Variants in ZNF879 observed in about 807,000 individuals in gnomAD.
ZNF879 encodes zinc finger protein 879.
In ZNF879, 32 loss-of-function variants were observed where a neutral mutation model predicts 44.3. That is an observed-to-expected ratio of 0.72 (90% CI 0.54 to 0.97). The LOEUF (loss-of-function observed/expected upper bound fraction) is 0.97, where lower values mean the gene tolerates loss of function less well. Ranked by LOEUF, ZNF879 falls within the 50% of genes least tolerant of loss-of-function variation. The pLI, the probability that ZNF879 is intolerant of heterozygous loss-of-function variation, is 0.00. For missense variants in ZNF879, 621 were observed against 669.7 expected (o/e 0.93, Z 0.80); for synonymous variants, 234 against 233.2 (o/e 1.00, Z -0.03).
In ZNF879 at chr5:179,033,568, T is replaced by G. The variant is rs563409307; in HGVS notation, c.1620T>G (p.Tyr540Ter). 6.5e-7 allele frequency: 1 copy of G among 1,550,350 alleles called. No individual in the cohort carries two copies. The highest frequency in any genetic ancestry group is 1.2e-5 in the South Asian group (1 of 83,444). ...HMRIHTGEKP[Y>*]KCKECGKAFS... The stretch of plus-strand genomic sequence containing the variant: ...GAATTCATACAGGGGAAAAACCTTA[T>G]AAATGTAAAGAATGTGGGAAGGCTT... The change falls in exon 5 of 5, where the codon TAT (tyrosine) becomes TAG (stop). Residue 540 changes from tyrosine to a stop codon, truncating the protein, a stop_gained. Coordinates refer to ENST00000444149, the MANE Select transcript of ZNF879 (RefSeq NM_001136116.3). LOFTEE classifies it high-confidence loss of function.
intron 4 of ZNF879, among the ~76,000 whole-genome samples, chr5:179,031,888 G>T (rs563940580): frequency 6.6e-6 from 1 of 152,280 alleles, no homozygotes; most frequent in Non-Finnish European, 1.5e-5. Context: ...GAGTGCACTG[G>T]TAGCTGCCCT....
At chr5:179,025,846 G>A (rs1313593604) in intron 2 of ZNF879, among the ~76,000 whole-genome samples, 1 of 152,040 alleles carries the variant, frequency 6.6e-6, no homozygotes, top group Non-Finnish European at 1.5e-5. Context: ...GAACCCGGGA[G>A]GCAGGGGTTG....
rs75238173 is a variant in ZNF879, at chr5:179,031,468, A to G, written c.257-737A>G. Among the ~76,000 whole-genome samples the G allele has an allele frequency of 1.8e-4, 28 of 152,172 alleles. No homozygotes were observed. The East Asian group carries it at 5.0e-3, about 27-fold the overall frequency. On this transcript the variant is annotated intron_variant, in intron 4 of 4. Coordinates refer to ENST00000444149, the MANE Select transcript of ZNF879 (RefSeq NM_001136116.3). The stretch of plus-strand genomic sequence containing the variant: ...TTTATACCCTAATTTTTGTCTGGCC[A>G]GCGCTTGTTATTTAGATCTCATCTT...
chr5:179,031,019 A>G (rs1761402127), intron 4 of ZNF879, among the ~76,000 whole-genome samples: 1 of 152,198 alleles, frequency 6.6e-6, no homozygotes, highest in Non-Finnish European at 1.5e-5. Flanking sequence ...TACTTGCAGA[A>G]CATCCCAGAT....
chr5:179,030,713 C>CTTA (rs1761393832), intron 4 of ZNF879, among the ~76,000 whole-genome samples: 2 of 63,944 alleles, frequency 3.1e-5, no homozygotes, highest in African/African-American at 2.5e-4. Flanking sequence ...CTGTGTTTTT[C>CTTA]TTATGATGAT....
At chr5:179,031,264 CT>C (rs1384880911) in intron 4 of ZNF879, among the ~76,000 whole-genome samples, 2 of 152,210 alleles carry the variant, frequency 1.3e-5, no homozygotes, top group African/African-American at 4.8e-5. Flanking sequence ...CTTCCAATAT[CT>C]TCCTGTATCC....
intron 4 of ZNF879, among the ~76,000 whole-genome samples, chr5:179,029,767 C>T (rs1396122226): frequency 6.6e-6 from 1 of 152,144 alleles, no homozygotes; most frequent in Non-Finnish European, 1.5e-5. Flanking sequence ...GAGAGACAGA[C>T]ACAGTGAGAG....
At position 179,025,120 on chromosome 5, in the gene ZNF879, C is replaced by G. The variant is rs574670781; in HGVS notation, c.33+83C>G. ...CTTCATCTGTTGTTGAGCTTCTCTA[C>G]CCAGTGAAGCTCAGGGAAGGACCAG... On this transcript the variant is annotated intron_variant, in intron 2 of 4. Coordinates refer to ENST00000444149, the MANE Select transcript of ZNF879 (RefSeq NM_001136116.3). 1.5e-3 allele frequency: 2,198 copies of G among 1,448,488 alleles called. 4 individuals carry two copies. Among genetic ancestry groups the G allele is most frequent in the Non-Finnish European group, 1.9e-3 (2,045 of 1,053,892 alleles). 89.7% of individuals were successfully genotyped at this position (1,448,488 alleles called of 1,614,324 possible).
intron 1 of ZNF879, chr5:179,024,713 GCA>G: frequency 2.3e-6 from 1 of 440,772 alleles, no homozygotes; most frequent in South Asian, 3.7e-5. Context: ...CCCTGTTAAG[GCA>G]CGGCAGATGG....
intron 4 of ZNF879, among the ~76,000 whole-genome samples, chr5:179,031,310 C>T (rs966492166): frequency 1.3e-5 from 2 of 152,214 alleles, no homozygotes; most frequent in African/African-American, 4.8e-5. Context: ...TGGCCCACCT[C>T]TTTTCCTCAT....
chr5:179,029,731 A>G (rs984147344), intron 4 of ZNF879, among the ~76,000 whole-genome samples: 3 of 152,348 alleles, frequency 2.0e-5, no homozygotes, highest in East Asian at 1.9e-4. Context: ...TTCAAACTGC[A>G]TATTTGCTTA....
At position 179,032,197 on chromosome 5, in the gene ZNF879, T is replaced by G. The variant is rs1357128036; in HGVS notation, c.257-8T>G. On this transcript the variant is annotated splice_polypyrimidine_tract_variant and splice_region_variant and intron_variant, in intron 4 of 4. Coordinates refer to ENST00000444149, the MANE Select transcript of ZNF879 (RefSeq NM_001136116.3). Reference sequence around the variant, plus strand: ...TCAAGAGAGACTTATATGTTTTGTCTACTTTAGGATGGGAAAGCTTGTTTG... The same window carrying G: ...TCAAGAGAGACTTATATGTTTTGTCGACTTTAGGATGGGAAAGCTTGTTTG... The G allele has an allele frequency of 1.1e-5, 17 of 1,489,530 alleles. No individual in the cohort carries two copies. The highest frequency in any genetic ancestry group is 1.5e-5 in the Non-Finnish European group (17 of 1,123,092). The allele number at this position is 1,489,530 out of a possible 1,614,324, so 92.3% of individuals were successfully genotyped here.
intron 1 of ZNF879, among the ~76,000 whole-genome samples, chr5:179,024,106 T>C (rs6859767): frequency 0.29 from 44,625 of 152,092 alleles, 7,170 homozygotes; most frequent in African/African-American, 0.43. Context: ...TCGACGCCGC[T>C]GGACTCCTGG....
Position 179,025,042 on chromosome 5 carries a change from G to T in ZNF879, c.33+5G>T, listed in dbSNP as rs1322618104. 1 of 1,551,524 alleles carries T rather than the reference G, an allele frequency of 6.4e-7. No homozygotes were observed. ...TTGCTGCCAGCCCATGTACAGGTGA[G>T]TGAAGGCTTCTTTTTGCTTGAACTG... On this transcript the variant is annotated splice_donor_5th_base_variant and intron_variant, in intron 2 of 4. Coordinates refer to ENST00000444149, the MANE Select transcript of ZNF879 (RefSeq NM_001136116.3).
At chr5:179,026,872 A>C (rs1761287497) in intron 2 of ZNF879, among the ~76,000 whole-genome samples, 1 of 152,236 alleles carries the variant, frequency 6.6e-6, no homozygotes, top group African/African-American at 2.4e-5. Context: ...GAGATAGAAG[A>C]ACAGGAGCTT....
At chr5:179,030,802 T>C (rs1324569520) in intron 4 of ZNF879, among the ~76,000 whole-genome samples, 1 of 152,218 alleles carries the variant, frequency 6.6e-6, no homozygotes, top group Non-Finnish European at 1.5e-5. Context: ...AATCAATGAT[T>C]CCATTTCTTG....
intron 3 of ZNF879, 44 bp from the exon 4 acceptor site, chr5:179,027,988 C>A (rs898859763): frequency 6.5e-7 from 1 of 1,529,896 alleles, no homozygotes; most frequent in Non-Finnish European, 8.9e-7. Context: ...GCTGGACCCG[C>A]CTGCTACGAT....
At position 179,033,345 on chromosome 5, in the gene ZNF879, G is replaced by A; in HGVS notation, c.1397G>A (p.Ser466Asn). ...TGTAAGGAATGTGGAAAAGCCTTCA[G>A]TTCCCACTCAGGCGTTAATACTCAT... ...YNCKECGKAFSSHSGVNTHRK... is the reference protein window; with the variant it reads ...YNCKECGKAFNSHSGVNTHRK... The change falls in exon 5 of 5, where the codon AGT becomes AAT. Residue 466 changes from serine to asparagine, a missense_variant. Coordinates refer to ENST00000444149, the MANE Select transcript of ZNF879 (RefSeq NM_001136116.3). 6.4e-7 allele frequency: 1 copy of A among 1,567,550 alleles called. No homozygotes were observed. The highest frequency in any genetic ancestry group is 1.2e-5 in the South Asian group (1 of 85,772).
chr5:179,028,464 CATTG>C (rs1561734559), intron 4 of ZNF879, among the ~76,000 whole-genome samples: 2 of 151,830 alleles, frequency 1.3e-5, no homozygotes, highest in Admixed American at 1.3e-4. Context: ...TTGAACATTA[CATTG>C]TTTTTTTTTA....
Sources: gnomAD v4.1 joint callset for allele counts (sites outside exome capture counted in the v4.1 genomes callset) on GRCh38, gnomAD v4.1.1 for gene constraint, MANE v1.5 for transcripts, NCBI Gene and HGNC (gene_info 2026-07-23, HGNC 2026-07-21) for gene names.